Variants in HLF observed in about 807,000 individuals in gnomAD.
HLF encodes the protein HLF transcription factor, PAR bZIP family member.
Under a neutral mutation model 22.6 loss-of-function variants are expected in HLF, and 3 were observed. The ratio of observed to expected loss-of-function variants is 0.13; its 90% CI spans 0.06 to 0.34. The LOEUF (loss-of-function observed/expected upper bound fraction) is 0.34. Among genes scored for constraint, HLF ranks in the 10% least tolerant of loss-of-function variants. HLF has a pLI of 1.00. For missense variants in HLF, 299 were observed against 389.2 expected (o/e 0.77, Z 1.95); for synonymous variants, 151 against 151.8 (o/e 0.99, Z 0.04).
chr17:55,318,756 C>T (rs1905161368), intron 3 of HLF, among the ~76,000 whole-genome samples: 1 of 152,198 alleles, frequency 6.6e-6, no homozygotes, highest in South Asian at 2.1e-4. Context: ...TATAGATTTA[C>T]TGATACTGTG....
At chr17:55,279,108 T>C (rs1195313494) in intron 2 of HLF, among the ~76,000 whole-genome samples, 1 of 152,228 alleles carries the variant, frequency 6.6e-6, no homozygotes, top group Non-Finnish European at 1.5e-5. Flanking sequence ...ATCTAAAGCA[T>C]GTTTATTTCA....
intron 2 of HLF, among the ~76,000 whole-genome samples, chr17:55,268,822 G>A (rs908106834): frequency 7.3e-5 from 11 of 151,662 alleles, no homozygotes; most frequent in Non-Finnish European, 5.9e-5. Context: ...AGCTGTAAAT[G>A]ATCTTGAAAT....
intron 2 of HLF, among the ~76,000 whole-genome samples, chr17:55,306,945 T>A (rs1904598145): frequency 6.6e-6 from 1 of 152,168 alleles, no homozygotes; most frequent in South Asian, 2.1e-4. Flanking sequence ...GGGCATCTGC[T>A]GCTGTGGCCT....
chr17:55,273,093 G>A (rs997135020), intron 2 of HLF: 2 of 151,976 alleles, frequency 1.3e-5, no homozygotes, highest in African/African-American at 2.4e-5. Flanking sequence ...GGTATTTTTG[G>A]GTATGTCTGG....
rs765374641 is a variant in HLF at position 55,315,317 on chromosome 17, A to T, written c.542A>T (p.Asp181Val). The change falls in exon 3 of 4, where the codon GAT (aspartate) becomes GTT (valine). Residue 181 changes from aspartate (D) to valine (V), a missense_variant. Coordinates refer to ENST00000226067, the MANE Select transcript of HLF (RefSeq NM_002126.5). ...VPVGYEPDPADLALSSIPGQE... is the reference protein window; with the variant it reads ...VPVGYEPDPAVLALSSIPGQE... ...GTGGGTTATGAGCCAGACCCAGCAG[A>T]TCTTGCCCTTTCCAGCATCCCTGGC... The T allele has an allele frequency of 1.9e-6, 3 of 1,614,166 alleles. No homozygotes were observed. Among genetic ancestry groups the T allele is most frequent in the Non-Finnish European group, 2.5e-6 (3 of 1,180,008 alleles).
chr17:55,269,796 G>A (rs929637986), intron 2 of HLF, among the ~76,000 whole-genome samples: 4 of 152,148 alleles, frequency 2.6e-5, no homozygotes, highest in African/African-American at 9.7e-5. Context: ...AGGTAACTAG[G>A]TACTGTATAT....
intron 2 of HLF, among the ~76,000 whole-genome samples, chr17:55,305,125 G>A (rs1031170998): frequency 2.6e-5 from 4 of 152,150 alleles, no homozygotes; most frequent in East Asian, 1.9e-4. Context: ...TTCATGTGAC[G>A]GAATACATCA....
In HLF at chr17:55,265,292, G is replaced by A; in HGVS notation, c.-193G>A. The A allele has an allele frequency of 2.0e-6, 1 of 494,880 alleles. No individual in the cohort carries two copies. Among genetic ancestry groups the A allele is most frequent in the Non-Finnish European group, 3.5e-6 (1 of 285,784 alleles). 30.7% of individuals were successfully genotyped at this position (494,880 alleles called of 1,614,324 possible). On this transcript the variant is annotated 5_prime_UTR_variant, in exon 1 of 4. Transcript: ENST00000226067. ...GACCGTCTGCACTGGAAACCCGAAA[G>A]TTTTTTTTTAATATATATTTTTATG... is the stretch of plus-strand genomic sequence containing the variant.
In HLF at chr17:55,324,598, G is replaced by T. The variant is rs1905387958; in HGVS notation, c.*3719G>T. On this transcript the variant is annotated 3_prime_UTR_variant, in exon 4 of 4. Coordinates refer to ENST00000226067, the MANE Select transcript of HLF (RefSeq NM_002126.5). Reference sequence around the variant, plus strand: ...GCACTGGGGTCTCAGCACCCTGCAGGTGTCTGAGACTAAGTGATCTGCCCT... The same window carrying T: ...GCACTGGGGTCTCAGCACCCTGCAGTTGTCTGAGACTAAGTGATCTGCCCT... 1.3e-5 allele frequency: 3 copies of T among 232,620 alleles called. No homozygotes were observed. The highest frequency in any genetic ancestry group is 2.2e-5 in the African/African-American group (1 of 45,318). The allele number at this position is 232,620 out of a possible 1,614,324, so 14.4% of individuals were successfully genotyped here.
chr17:55,284,931 G>T (rs1163732509), intron 2 of HLF, among the ~76,000 whole-genome samples: 1 of 152,132 alleles, frequency 6.6e-6, no homozygotes, highest in Non-Finnish European at 1.5e-5. Flanking sequence ...CCCTTCCCAA[G>T]ATATAGATAT....
intron 2 of HLF, among the ~76,000 whole-genome samples, chr17:55,286,304 T>C (rs1035427416): frequency 2.0e-5 from 3 of 151,452 alleles, no homozygotes; most frequent in Non-Finnish European, 4.4e-5. Flanking sequence ...CCCACCCTTG[T>C]ACTTTACCTC....
intron 2 of HLF, among the ~76,000 whole-genome samples, chr17:55,301,842 C>A (rs187513526): frequency 2.6e-5 from 4 of 152,310 alleles, no homozygotes; most frequent in Admixed American, 1.3e-4. Flanking sequence ...TTGCAGTTGT[C>A]CAAGTTCCTC....
intron 2 of HLF, among the ~76,000 whole-genome samples, chr17:55,302,450 C>T (rs4794562): frequency 0.23 from 35,481 of 152,070 alleles, 4,443 homozygotes; most frequent in East Asian, 0.29. Context: ...CATCCAGAAA[C>T]GCAGACTTTA....
intron 2 of HLF, among the ~76,000 whole-genome samples, chr17:55,275,072 C>A (rs930132644): frequency 6.6e-6 from 1 of 152,112 alleles, no homozygotes; most frequent in Admixed American, 6.5e-5. Flanking sequence ...ATTAAATAAA[C>A]AAAATGCATT....
chr17:55,268,206 C>T, intron 2 of HLF, 120 bp downstream of exon 2: 1 of 670,928 alleles, frequency 1.5e-6, no homozygotes, highest in Non-Finnish European at 2.5e-6. Context: ...AAGAGAGGTA[C>T]CTTCTTCTGC....
intron 2 of HLF, among the ~76,000 whole-genome samples, chr17:55,268,557 G>GA (rs1050231863): frequency 3.3e-5 from 5 of 151,490 alleles, no homozygotes; most frequent in South Asian, 2.1e-4. Flanking sequence ...TGTCCTGAAG[G>GA]AAAAAAAATG....
chr17:55,311,732 A>C (rs553753586), intron 2 of HLF, among the ~76,000 whole-genome samples: 7 of 152,286 alleles, frequency 4.6e-5, no homozygotes, highest in African/African-American at 1.2e-4. Context: ...TGAATATACT[A>C]CGTGATGCTG....
At chr17:55,272,586 G>GC (rs1176092569) in intron 2 of HLF, 1 of 152,232 alleles carries the variant, frequency 6.6e-6, no homozygotes, top group Non-Finnish European at 1.5e-5. Context: ...CACAAAAGGA[G>GC]CGGGGGTGGG....
intron 2 of HLF, among the ~76,000 whole-genome samples, chr17:55,298,598 G>A (rs913547857): frequency 7.2e-5 from 11 of 152,186 alleles, no homozygotes; most frequent in South Asian, 2.1e-4. Context: ...CTAAGAAATT[G>A]TCTGGTCTAG....
Sources: allele counts gnomAD v4.1 joint callset (sites outside exome capture counted in the v4.1 genomes callset), GRCh38; gene constraint gnomAD v4.1.1; transcripts MANE v1.5; gene names NCBI Gene and HGNC (gene_info 2026-07-23, HGNC 2026-07-21).